The following SERINC2 variants were observed in gnomAD, a reference collection of about 807,000 sequenced individuals.
The protein encoded by SERINC2 is serine incorporator 2, also known as tumor differentially expressed protein 2.
A neutral mutation model predicts 54.2 loss-of-function variants in SERINC2; 56 were observed. The observed-to-expected ratio is 1.03, with a 90% CI of 0.83 to 1.29. The LOEUF is 1.29. Ranked by LOEUF, SERINC2 falls within the 50% of genes most tolerant of loss-of-function variation. SERINC2 has a pLI of 0.00. For missense variants in SERINC2, 614 were observed against 607.4 expected (o/e 1.01, Z -0.12); for synonymous variants, 272 against 253.1 (o/e 1.07, Z -0.71).
rs536787156 is a variant in SERINC2 at position 31,423,449 on chromosome 1, G to A, written c.40-244G>A. Among the ~76,000 whole-genome samples the A allele has an allele frequency of 3.9e-5, 6 of 152,248 alleles. No individual in the cohort carries two copies. In the East Asian group the frequency reaches 9.6e-4, roughly 24 times the overall value. On this transcript the variant is annotated intron_variant, in intron 1 of 9. Coordinates refer to ENST00000373709, the MANE Select transcript of SERINC2 (RefSeq NM_178865.5). ...AACAGCGTGACCTCGGCTAGCTCTC[G>A]CTTTCAAGCCACAGTATCACTGGAG... is the stretch of plus-strand genomic sequence containing the variant.
intron 6 of SERINC2, among the ~76,000 whole-genome samples, chr1:31,427,961 C>T (rs1350457953): frequency 6.6e-6 from 1 of 151,840 alleles, no homozygotes; most frequent in Non-Finnish European, 1.5e-5. Flanking sequence ...CCCAAGTAAC[C>T]AGTGAGCTGC....
chr1:31,419,155 C>A (rs1341473105), intron 1 of SERINC2, among the ~76,000 whole-genome samples: 1 of 152,194 alleles, frequency 6.6e-6, no homozygotes, highest in Non-Finnish European at 1.5e-5. Context: ...AGTGTGGGAA[C>A]AGCTTTCCAG....
At chr1:31,431,302 AT>A (rs113450135) in intron 8 of SERINC2, among the ~76,000 whole-genome samples, 48 of 143,594 alleles carry the variant, frequency 3.3e-4, no homozygotes, top group South Asian at 1.8e-3. Flanking sequence ...TTAAAAAAAC[AT>A]TTTTTTTTTT....
Sources: gnomAD v4.1 joint callset for allele counts (sites outside exome capture counted in the v4.1 genomes callset) on GRCh38, gnomAD v4.1.1 for gene constraint, MANE v1.5 for transcripts, NCBI Gene and HGNC (gene_info 2026-07-23, HGNC 2026-07-21) for gene names.